NXPH4: variants seen among roughly 807,000 people sequenced by gnomAD.
NXPH4 encodes neurexophilin 4.
Under a neutral mutation model 21.3 loss-of-function variants are expected in NXPH4, and 8 were observed. That is an observed-to-expected ratio of 0.38 (90% confidence interval 0.22 to 0.68). NXPH4 has a LOEUF of 0.68. Ranked by LOEUF, NXPH4 falls within the 30% of genes least tolerant of loss-of-function variation. NXPH4 has a pLI of 0.53. For missense variants in NXPH4, 418 were observed against 416.8 expected, an observed-to-expected ratio of 1.00 and a Z score of -0.03; for synonymous variants, 219 against 192.6, an observed-to-expected ratio of 1.14 and a Z score of -1.13.
chr12:57,217,408 C>T (rs958749455), intron 1 of NXPH4, among the ~76,000 whole-genome samples: 1 of 152,184 alleles, frequency 6.6e-6, no homozygotes, highest in African/African-American at 2.4e-5. Flanking sequence ...TCTGTCTGTC[C>T]TTCCACCCCT....
rs2136773085 is a variant in NXPH4 at position 57,225,057 on chromosome 12, GGCAGGGGCAGCCGGGGCGTTGCCCGC to G, written c.242_267del (p.Gly81AlafsTer149). On this transcript the variant is annotated frameshift_variant, in exon 2 of 2. Transcript: ENST00000349394. LOFTEE classifies it high-confidence loss of function. ...CCAACCACACGGGGGCGCTGGCCCG[GGCAGGGGCAGCCGGGGCGTTGCCCGC>G]GCAGCGCACCAAGAGGAAGCCGTCC... 6.8e-7 allele frequency: 1 copy of G among 1,479,272 alleles called. No individual in the cohort carries two copies. The highest frequency in any genetic ancestry group is 2.5e-5 in the East Asian group (1 of 39,420). The allele number at this position is 1,479,272 out of a possible 1,614,324, so 91.6% of individuals were successfully genotyped here.
Position 57,225,874 on chromosome 12 carries a change from A to G in NXPH4, c.*127A>G. On this transcript the variant is annotated 3_prime_UTR_variant, in exon 2 of 2. Coordinates refer to ENST00000349394, the MANE Select transcript of NXPH4 (RefSeq NM_007224.4). Reference sequence around the variant, plus strand: ...TCCTTCCACTCTGGGGGCGGAGGGGAATGGCTTCTCGGGACCCTCAGCTAG... The same window carrying G: ...TCCTTCCACTCTGGGGGCGGAGGGGGATGGCTTCTCGGGACCCTCAGCTAG... 6.8e-7 allele frequency: 1 copy of G among 1,466,618 alleles called. No homozygotes were observed. Among genetic ancestry groups the G allele is most frequent in the East Asian group, 2.4e-5 (1 of 41,014 alleles). 90.9% of individuals were successfully genotyped at this position (1,466,618 alleles called of 1,614,324 possible). A position where few individuals can be genotyped will look rare whatever the true frequency, so the allele number is the denominator to read the frequency against.
At chr12:57,220,319 G>A (rs2037078771) in intron 1 of NXPH4, among the ~76,000 whole-genome samples, 1 of 152,170 alleles carries the variant, frequency 6.6e-6, no homozygotes, top group Non-Finnish European at 1.5e-5. Context: ...CCGCTCCGCG[G>A]CTCCCCCCAA....
At chr12:57,221,329 C>T (rs1278708507) in intron 1 of NXPH4, 2 of 455,956 alleles carry the variant, frequency 4.4e-6, no homozygotes, top group Admixed American at 4.7e-5. Flanking sequence ...CTGTCCCTTC[C>T]TCCGGCCAGA....
At chr12:57,217,487 A>C (rs1233369264) in intron 1 of NXPH4, among the ~76,000 whole-genome samples, 2 of 152,112 alleles carry the variant, frequency 1.3e-5, no homozygotes, top group Non-Finnish European at 2.9e-5. Flanking sequence ...TGTCGGGAGC[A>C]TCCATGGCCC....
At chr12:57,222,854 G>A (rs777408202) in intron 1 of NXPH4, among the ~76,000 whole-genome samples, 1 of 152,212 alleles carries the variant, frequency 6.6e-6, no homozygotes, top group East Asian at 1.9e-4. Flanking sequence ...AATGAGGGGG[G>A]CGATAAATAT....
At chr12:57,222,110 G>A (rs1487255717) in intron 1 of NXPH4, among the ~76,000 whole-genome samples, 1 of 151,766 alleles carries the variant, frequency 6.6e-6, no homozygotes, top group African/African-American at 2.4e-5. Flanking sequence ...CCATTTCTCG[G>A]CTCTCGTTTC....
At position 57,225,825 on chromosome 12, in the gene NXPH4, C is replaced by T; in HGVS notation, c.*78C>T. 6.5e-7 allele frequency: 1 copy of T among 1,537,630 alleles called. No homozygotes were observed. The highest frequency in any genetic ancestry group is 8.8e-7 in the Non-Finnish European group (1 of 1,141,706). On this transcript the variant is annotated 3_prime_UTR_variant, in exon 2 of 2. Coordinates refer to ENST00000349394, the MANE Select transcript of NXPH4 (RefSeq NM_007224.4). ...TGGGACCCCCTTCCCAGTGTTCTGC[C>T]GCTCCTGTGGCCATGTCGCCCACTC...
rs2136764750 is a variant in NXPH4 at position 57,216,868 on chromosome 12, TCCC to T, written c.-101_-99del. 2 of 277,120 alleles carry T rather than the reference TCCC, an allele frequency of 7.2e-6. No individual in the cohort carries two copies. The highest frequency in any genetic ancestry group is 4.6e-5 in the African/African-American group (1 of 21,664). 17.2% of individuals were successfully genotyped at this position (277,120 alleles called of 1,614,324 possible). A position where few individuals can be genotyped will look rare whatever the true frequency, so the allele number is the denominator to read the frequency against. ...CCGCCGCTCCCGCCGCTCCCGCCGC[TCCC>T]GCAGCCGCCCCGCCGCCCGCCCGGA... is the stretch of plus-strand genomic sequence containing the variant. On this transcript the variant is annotated 5_prime_UTR_variant, in exon 1 of 2. Coordinates refer to ENST00000349394, the MANE Select transcript of NXPH4 (RefSeq NM_007224.4). The surrounding 1 kb of genome is among the most constrained non-coding windows in gnomAD (Gnocchi z 5.3).
chr12:57,221,401 C>T (rs1454605379), intron 1 of NXPH4: 1 of 455,018 alleles, frequency 2.2e-6, no homozygotes, highest in Admixed American at 2.4e-5. Context: ...GCCTGGAGGC[C>T]CAGGGGAGGT....
rs2037043855 is a variant in NXPH4, at chr12:57,216,890, G to C, written c.-80G>C. The C allele has an allele frequency of 2.8e-5, 25 of 887,606 alleles. No homozygotes were observed. The highest frequency in any genetic ancestry group is 1.1e-4 in the South Asian group (3 of 26,222). The allele number at this position is 887,606 out of a possible 1,614,324, so 55.0% of individuals were successfully genotyped here. ...CGCTCCCGCAGCCGCCCCGCCGCCC[G>C]CCCGGAGCCCCGCGTCCCTAGGCCT... is the stretch of plus-strand genomic sequence containing the variant. On this transcript the variant is annotated 5_prime_UTR_variant, in exon 1 of 2. Coordinates refer to ENST00000349394, the MANE Select transcript of NXPH4 (RefSeq NM_007224.4). The surrounding 1 kb of genome is among the most constrained non-coding windows in gnomAD (Gnocchi z 5.3).
At position 57,217,002 on chromosome 12, in the gene NXPH4, C is replaced by CT; in HGVS notation, c.36dup (p.Gly13TrpfsTer6). ...TGCTCCCGGAATGGTTCCTCTTGCTCTTTGGCCCGTGGCTCCTTAGGAAGG... is the reference window on the plus strand; with the variant it reads ...TGCTCCCGGAATGGTTCCTCTTGCTCTTTTGGCCCGTGGCTCCTTAGGAAGG... On this transcript the variant is annotated frameshift_variant, in exon 1 of 2. Coordinates refer to ENST00000349394, the MANE Select transcript of NXPH4 (RefSeq NM_007224.4). LOFTEE classifies it high-confidence loss of function. 6.2e-7 allele frequency: 1 copy of CT among 1,607,372 alleles called. No homozygotes were observed. Among genetic ancestry groups the CT allele is most frequent in the Non-Finnish European group, 8.5e-7 (1 of 1,177,344 alleles).
At chr12:57,222,197 T>C (rs1032546539) in intron 1 of NXPH4, among the ~76,000 whole-genome samples, 5 of 152,204 alleles carry the variant, frequency 3.3e-5, no homozygotes, top group Admixed American at 6.5e-5. Context: ...CTCTTCCTTT[T>C]TATCTTGGCT....
At position 57,225,350 on chromosome 12, in the gene NXPH4, A is replaced by C. The variant is rs1415202630; in HGVS notation, c.530A>C (p.Gln177Pro). 6.3e-7 allele frequency: 1 copy of C among 1,578,116 alleles called. No homozygotes were observed. The highest frequency in any genetic ancestry group is 1.3e-5 in the African/African-American group (1 of 74,178). ...CCCGGGCCTGTCCCCCACCCTCTGC[A>C]GTCTACGCTCGCCCTGGAGGGGGTG... ...WLPGPVPHPL[Q>P]STLALEGVLP... The change falls in exon 2 of 2, where the codon CAG becomes CCG. Residue 177 changes from glutamine (Q) to proline (P), a missense_variant. Transcript: ENST00000349394.
chr12:57,222,633 T>G (rs1209151542), intron 1 of NXPH4, among the ~76,000 whole-genome samples: 1 of 152,002 alleles, frequency 6.6e-6, no homozygotes, highest in Admixed American at 6.6e-5. Context: ...CCTCCCCCAA[T>G]GCCCTCTCTC....
At chr12:57,218,212 C>A (rs543369563) in intron 1 of NXPH4, among the ~76,000 whole-genome samples, 7 of 152,330 alleles carry the variant, frequency 4.6e-5, no homozygotes, top group Non-Finnish European at 2.9e-5. Flanking sequence ...GCCTGCTCAG[C>A]CAAATCACAT....
chr12:57,224,940 G>T lies in NXPH4; in HGVS notation c.120G>T (p.Ala40=). 7.2e-7 allele frequency: 1 copy of T among 1,383,516 alleles called. No individual in the cohort carries two copies. Among genetic ancestry groups the T allele is most frequent in the Non-Finnish European group, 9.4e-7 (1 of 1,063,788 alleles). 85.7% of individuals were successfully genotyped at this position (1,383,516 alleles called of 1,614,324 possible). ...RPQYLGLRPA[A]AGAGAPGQQL... ...AGTACCTGGGGCTGCGCCCCGCCGC[G>T]GCCGGAGCGGGTGCCCCCGGCCAGC... Residue 40 remains alanine, a synonymous_variant, in exon 2 of 2, where the codon GCG becomes GCT. Coordinates refer to ENST00000349394, the MANE Select transcript of NXPH4 (RefSeq NM_007224.4).
Position 57,225,219 on chromosome 12 carries a change from C to T in NXPH4, c.399C>T (p.Asn133=), listed in dbSNP as rs1053053607. 6 of 1,580,308 alleles carry T rather than the reference C, an allele frequency of 3.8e-6. No homozygotes were observed. The highest frequency in any genetic ancestry group is 5.2e-6 in the Non-Finnish European group (6 of 1,164,010). ...LVTGKIVDHV[N]GTFSVYFRHN... ...CCGGCAAGATCGTGGACCATGTGAA[C>T]GGTACCTTCAGTGTGTATTTCCGCC... Residue 133 remains asparagine (N), a synonymous_variant, in exon 2 of 2, where the codon AAC becomes AAT. Transcript: ENST00000349394.
intron 1 of NXPH4, 73 bp downstream of exon 1, chr12:57,217,099 G>C (rs1051762686): frequency 1.3e-5 from 17 of 1,301,432 alleles, no homozygotes; most frequent in Non-Finnish European, 1.5e-5. Context: ...TGTGCGAGGG[G>C]CTCCGTGCGC....
Sources: gnomAD v4.1 joint callset for allele counts (sites outside exome capture counted in the v4.1 genomes callset) on GRCh38, gnomAD v4.1.1 for gene constraint, Gnocchi (gnomAD v3.1) non-coding constraint, MANE v1.5 for transcripts, NCBI Gene and HGNC (gene_info 2026-07-23, HGNC 2026-07-21) for gene names.